Variants in SLC44A5 observed in about 807,000 individuals in gnomAD.
SLC44A5 encodes the protein choline transporter-like protein 5.
Under a neutral mutation model 101.8 loss-of-function variants are expected in SLC44A5, and 57 were observed. The observed-to-expected ratio is 0.56, with a 90% confidence interval of 0.45 to 0.70. SLC44A5 has a LOEUF of 0.70. Ranked by LOEUF, SLC44A5 falls within the 30% of genes least tolerant of loss-of-function variation. The pLI, the probability that SLC44A5 is intolerant of heterozygous loss-of-function variation, is 0.00. For synonymous variants in SLC44A5, 281 were observed against 290.9 expected, an observed-to-expected ratio of 0.97 and a Z score of 0.35; for missense variants, 737 against 853.1, an observed-to-expected ratio of 0.86 and a Z score of 1.70.
chr1:75,429,535 G>A (rs1055283514), intron 2 of SLC44A5, among the ~76,000 whole-genome samples: 5 of 152,180 alleles, frequency 3.3e-5, no homozygotes, highest in Non-Finnish European at 7.3e-5. Context: ...GTCTGTTTAC[G>A]TTGCTATAAA....
chr1:75,541,518 T>C lies in SLC44A5; in HGVS notation c.-69-2A>G. 1 of 1,592,468 alleles carries C rather than the reference T, an allele frequency of 6.3e-7. No individual in the cohort carries two copies. The highest frequency in any genetic ancestry group is 8.5e-7 in the Non-Finnish European group (1 of 1,170,966). On this transcript the variant is annotated splice_acceptor_variant, in intron 1 of 23. Coordinates refer to ENST00000370859, the MANE Select transcript of SLC44A5 (RefSeq NM_001130058.2). LOFTEE classifies it low-confidence loss of function (5UTR_SPLICE). The stretch of plus-strand genomic sequence containing the variant: ...AACTTGAGTTGCTTAGAAAAGAGTC[T>C]GTGATAAAAACAAGTATGAAGATAG...
At chr1:75,327,402 T>G (rs1358093172) in intron 4 of SLC44A5, among the ~76,000 whole-genome samples, 1 of 152,230 alleles carries the variant, frequency 6.6e-6, no homozygotes, top group Non-Finnish European at 1.5e-5. Flanking sequence ...AGTTTAAATC[T>G]AATTTTATCA....
At chr1:75,501,395 T>G (rs1668950279) in intron 2 of SLC44A5, among the ~76,000 whole-genome samples, 1 of 152,198 alleles carries the variant, frequency 6.6e-6, no homozygotes, top group East Asian at 1.9e-4. Flanking sequence ...ATAAATCAGA[T>G]ATTTCTTTGT....
At chr1:75,575,325 G>C (rs4949673) in intron 1 of SLC44A5, among the ~76,000 whole-genome samples, 2 of 151,868 alleles carry the variant, frequency 1.3e-5, no homozygotes, top group Non-Finnish European at 2.9e-5. Flanking sequence ...GGTAATACAG[G>C]GTACAATGTA....
chr1:75,211,239 T>G (rs1384038139), intron 23 of SLC44A5, among the ~76,000 whole-genome samples: 1 of 152,202 alleles, frequency 6.6e-6, no homozygotes, highest in Non-Finnish European at 1.5e-5. Flanking sequence ...ATTTTTAGAT[T>G]CCACATGTAA....
chr1:75,595,248 G>A (rs1170201049), intron 1 of SLC44A5, among the ~76,000 whole-genome samples: 4 of 151,952 alleles, frequency 2.6e-5, no homozygotes, highest in African/African-American at 9.7e-5. Context: ...TGACAGTGAT[G>A]TATTCTCTGG....
the SLC44A5 span, among the ~76,000 whole-genome samples, chr1:75,709,535 G>A: frequency 6.6e-6 from 1 of 152,084 alleles, no homozygotes; most frequent in Admixed American, 6.6e-5. Context: ...GGCTTATTCA[G>A]GTTTTTTCTT....
At chr1:75,355,139 C>T (rs1658974782) in intron 3 of SLC44A5, among the ~76,000 whole-genome samples, 2 of 152,024 alleles carry the variant, frequency 1.3e-5, no homozygotes, top group South Asian at 4.1e-4. Flanking sequence ...CTGTGTTTAA[C>T]CAACAAAAAT....
At chr1:75,630,324 T>C in the SLC44A5 span, among the ~76,000 whole-genome samples, 2 of 152,148 alleles carry the variant, frequency 1.3e-5, no homozygotes, top group Non-Finnish European at 2.9e-5. Flanking sequence ...TTGGTTACAA[T>C]CATTTCCATA....
chr1:75,423,372 C>A (rs1664126564), intron 2 of SLC44A5, among the ~76,000 whole-genome samples: 1 of 152,180 alleles, frequency 6.6e-6, no homozygotes, highest in Non-Finnish European at 1.5e-5. Flanking sequence ...TCTATCAACT[C>A]AGCTGTAGCC....
upstream of SLC44A5, among the ~76,000 whole-genome samples, chr1:75,612,589 G>A (rs1461093716): frequency 1.3e-5 from 2 of 152,128 alleles, no homozygotes; most frequent in African/African-American, 2.4e-5. Context: ...ATCACTATGT[G>A]AAATTTTCTG....
the SLC44A5 span, among the ~76,000 whole-genome samples, chr1:75,703,328 A>C: frequency 3.9e-5 from 6 of 152,254 alleles, no homozygotes; most frequent in South Asian, 6.2e-4. Flanking sequence ...TACTATGCAG[A>C]CATAAAAAAG....
chr1:75,301,061 A>C (rs1302512394), intron 4 of SLC44A5, among the ~76,000 whole-genome samples: 2 of 152,290 alleles, frequency 1.3e-5, no homozygotes, highest in East Asian at 3.9e-4. Flanking sequence ...CATGGTATAA[A>C]ATAGCCATTT....
chr1:75,393,054 C>T (rs1371525995), intron 3 of SLC44A5, among the ~76,000 whole-genome samples: 2 of 152,136 alleles, frequency 1.3e-5, no homozygotes, highest in African/African-American at 4.8e-5. Flanking sequence ...GGGTACTCTG[C>T]TCACTATTTG....
At chr1:75,604,629 A>T (rs1008282959) in intron 1 of SLC44A5, among the ~76,000 whole-genome samples, 3 of 151,968 alleles carry the variant, frequency 2.0e-5, no homozygotes, top group African/African-American at 7.2e-5. Flanking sequence ...CCATTTTATT[A>T]TTCTTCCAAT....
chr1:75,450,874 G>T (rs1665870731), intron 2 of SLC44A5, among the ~76,000 whole-genome samples: 1 of 152,096 alleles, frequency 6.6e-6, no homozygotes, highest in African/African-American at 2.4e-5. Context: ...GGTATTTGGG[G>T]CATCCACTCA....
At chr1:75,451,801 T>A (rs1458703827) in intron 2 of SLC44A5, among the ~76,000 whole-genome samples, 2 of 151,982 alleles carry the variant, frequency 1.3e-5, no homozygotes, top group Non-Finnish European at 2.9e-5. Flanking sequence ...CAGACAAAAT[T>A]TTTTTAAAAA....
At chr1:75,544,784 T>C (rs751294753) in intron 1 of SLC44A5, among the ~76,000 whole-genome samples, 1 of 152,194 alleles carries the variant, frequency 6.6e-6, no homozygotes, top group Non-Finnish European at 1.5e-5. Flanking sequence ...ACATTACATG[T>C]AGTTGGCATG....
chr1:75,280,601 T>C lies in SLC44A5; in HGVS notation c.176-5559A>G, dbSNP rs754391137. Among the ~76,000 whole-genome samples the C allele has an allele frequency of 5.4e-4, 81 of 149,254 alleles. 1 individual carries two copies. Among genetic ancestry groups the C allele is most frequent in the Admixed American group, 1.7e-3 (24 of 14,404 alleles). The stretch of plus-strand genomic sequence containing the variant: ...CTGGCCTTGTGTCCCCACTAAAATC[T>C]CATCTTGAATTGTTATCCAAATTAT... On this transcript the variant is annotated intron_variant, in intron 5 of 23. Transcript: ENST00000370859.
Sources: allele counts gnomAD v4.1 joint callset (sites outside exome capture counted in the v4.1 genomes callset), GRCh38; gene constraint gnomAD v4.1.1; transcripts MANE v1.5; gene names NCBI Gene and HGNC (gene_info 2026-07-23, HGNC 2026-07-21).